ARID1B: variants seen among roughly 807,000 people sequenced by gnomAD.
ARID1B encodes the protein AT-rich interaction domain 1B.
In ARID1B, 30 loss-of-function variants were observed where a neutral mutation model predicts 212.3. The ratio of observed to expected loss-of-function variants is 0.14; its 90% CI spans 0.11 to 0.19. The LOEUF is 0.19. ARID1B is among the 10% of genes least tolerant of loss of function. ARID1B has a pLI of 1.00. For missense variants in ARID1B, 2,891 were observed against 3,204.0 expected, an observed-to-expected ratio of 0.90 and a Z score of 2.36; for synonymous variants, 1,402 against 1,301.7, an observed-to-expected ratio of 1.08 and a Z score of -1.66.
At chr6:157,007,856 T>C (rs777034399) in intron 4 of ARID1B, among the ~76,000 whole-genome samples, 2 of 152,094 alleles carry the variant, frequency 1.3e-5, no homozygotes, top group Non-Finnish European at 2.9e-5. Flanking sequence ...TGTGTATTTT[T>C]TAGTAGAGAC....
chr6:156,842,384 G>C (rs1387850952), intron 2 of ARID1B, among the ~76,000 whole-genome samples: 2 of 152,154 alleles, frequency 1.3e-5, no homozygotes, highest in Non-Finnish European at 2.9e-5. Flanking sequence ...TTTTGTGTCT[G>C]GCTTTTTTCA....
intron 3 of ARID1B, among the ~76,000 whole-genome samples, chr6:156,926,750 T>C (rs556649109): frequency 2.0e-5 from 3 of 152,320 alleles, no homozygotes; most frequent in African/African-American, 7.2e-5. Flanking sequence ...TGGTGAGGTC[T>C]CGGCTCACTG....
chr6:157,040,872 AG>A (rs1369837645), intron 4 of ARID1B, among the ~76,000 whole-genome samples: 1 of 152,268 alleles, frequency 6.6e-6, no homozygotes, highest in Non-Finnish European at 1.5e-5. Context: ...TTCACAGTAT[AG>A]TAGACAATAA....
At chr6:157,041,842 A>G (rs937359159) in intron 4 of ARID1B, among the ~76,000 whole-genome samples, 1 of 152,108 alleles carries the variant, frequency 6.6e-6, no homozygotes, top group Non-Finnish European at 1.5e-5. Flanking sequence ...CTTAGCCACC[A>G]TCACCACTGC....
At chr6:156,928,968 T>C (rs1403992877) in intron 3 of ARID1B, among the ~76,000 whole-genome samples, 5 of 152,222 alleles carry the variant, frequency 3.3e-5, no homozygotes, top group Admixed American at 1.3e-4. Context: ...TCCCTTATTA[T>C]GTGATAGTGT....
In ARID1B at chr6:156,779,040, C is replaced by G. The variant is rs1778962227; in HGVS notation, c.1360C>G (p.Pro454Ala). The G allele has an allele frequency of 2.4e-6, 3 of 1,227,802 alleles. No individual in the cohort carries two copies. The South Asian group carries it at 1.1e-4, about 47-fold the overall frequency. The allele number at this position is 1,227,802 out of a possible 1,614,324, so 76.1% of individuals were successfully genotyped here. A position where few individuals can be genotyped will look rare whatever the true frequency, so the allele number is the denominator to read the frequency against. Reference sequence around the variant, plus strand: ...CGCGGGGTACGGGGTGCTGAGCTCCCCCCGGCAGCAGGGCGGCGGCATGAT... The same window carrying G: ...CGCGGGGTACGGGGTGCTGAGCTCCGCCCGGCAGCAGGGCGGCGGCATGAT... ...SSAGYGVLSS[P>A]RQQGGGMMMG... The change falls in exon 1 of 20, where the codon CCC becomes GCC. Residue 454 changes from proline to alanine, a missense_variant. By Grantham distance (27) the Pro-to-Ala change is conservative. Transcript: ENST00000636930.
chr6:157,200,654 A>T lies in ARID1B; in HGVS notation c.4480-51A>T. On this transcript the variant is annotated intron_variant, in intron 17 of 19. Transcript: ENST00000636930. This position sits in a 1 kb window ranked among gnomAD's most constrained non-coding sequence, Gnocchi z 4.3. ...CTATTTTGCATAATTTCAGTGTGTG[A>T]TTATACCTGTAAGAGCACATCAGGA... 6.5e-7 allele frequency: 1 copy of T among 1,533,624 alleles called. No individual in the cohort carries two copies. Among genetic ancestry groups the T allele is most frequent in the Non-Finnish European group, 8.8e-7 (1 of 1,141,512 alleles).
intron 8 of ARID1B, among the ~76,000 whole-genome samples, chr6:157,161,111 A>G (rs185878892): frequency 1.4e-4 from 21 of 152,344 alleles, no homozygotes; most frequent in Admixed American, 6.5e-4. Flanking sequence ...TTTCTGGTTA[A>G]TTGTAATTAC....
At chr6:156,854,915 C>G (rs1229567269) in intron 2 of ARID1B, among the ~76,000 whole-genome samples, 1 of 152,138 alleles carries the variant, frequency 6.6e-6, no homozygotes, top group East Asian at 1.9e-4. Context: ...GTAACATGGG[C>G]CTCTGTTGAT....
In ARID1B at chr6:157,142,655, CA is replaced by C. The variant is rs528277627; in HGVS notation, c.2762-5961del. Among the ~76,000 whole-genome samples, 329 of 151,612 alleles carry C rather than the reference CA, an allele frequency of 2.2e-3. 3 individuals are homozygous for C. The highest frequency in any genetic ancestry group is 7.5e-3 in the African/African-American group (310 of 41,344). On this transcript the variant is annotated intron_variant, in intron 7 of 19. Coordinates refer to ENST00000636930, the MANE Select transcript of ARID1B (RefSeq NM_001374828.1). ...ACAACAACAATAACAAAAACAACAA[CA>C]AAAAAAACAATATTTTGTAGTAACT...
At chr6:157,048,856 TC>T (rs1199624379) in intron 4 of ARID1B, among the ~76,000 whole-genome samples, 1 of 152,132 alleles carries the variant, frequency 6.6e-6, no homozygotes, top group Non-Finnish European at 1.5e-5. Context: ...GGCTCTGTGT[TC>T]CAGTGTGCCA....
chr6:156,965,002 A>C (rs1794646003), intron 4 of ARID1B, among the ~76,000 whole-genome samples: 1 of 152,240 alleles, frequency 6.6e-6, no homozygotes, highest in South Asian at 2.1e-4. Context: ...TTCAATTGTA[A>C]GACTTAATTA....
chr6:156,884,637 C>A (rs1787361291), intron 2 of ARID1B, among the ~76,000 whole-genome samples: 1 of 152,190 alleles, frequency 6.6e-6, no homozygotes, highest in Non-Finnish European at 1.5e-5. Flanking sequence ...TAATCATAGT[C>A]CGCTAAGGAG....
chr6:156,918,698 G>T (rs776262997), intron 3 of ARID1B, among the ~76,000 whole-genome samples: 9 of 152,158 alleles, frequency 5.9e-5, no homozygotes, highest in Non-Finnish European at 1.2e-4. Flanking sequence ...TAGTGGCTGA[G>T]CAAGGCCTAT....
intron 2 of ARID1B, among the ~76,000 whole-genome samples, chr6:156,871,853 C>G (rs568596838): frequency 1.3e-4 from 20 of 152,282 alleles, no homozygotes; most frequent in Admixed American, 7.2e-4. Flanking sequence ...GGACTGGGCT[C>G]ATTGTAAGTT....
At chr6:156,850,922 A>G (rs1784541934) in intron 2 of ARID1B, among the ~76,000 whole-genome samples, 1 of 152,222 alleles carries the variant, frequency 6.6e-6, no homozygotes, top group Admixed American at 6.5e-5. Context: ...AAATTCCCCC[A>G]TCATCTTTCC....
chr6:157,040,290 G>A (rs1301796281), intron 4 of ARID1B, among the ~76,000 whole-genome samples: 1 of 152,156 alleles, frequency 6.6e-6, no homozygotes, highest in East Asian at 1.9e-4. Flanking sequence ...GTTTTTAAAC[G>A]CATTCACAAT....
chr6:157,207,589 G>A lies in ARID1B; in HGVS notation c.6817G>A (p.Ala2273Thr), dbSNP rs1381645759. ...QGDALAARAI[A>T]VQKGSIGNLI... Reference sequence around the variant, plus strand: ...GGACGCACTAGCAGCAAGGGCCATAGCTGTGCAGAAAGGAAGCATTGGAAA... The same window carrying A: ...GGACGCACTAGCAGCAAGGGCCATAACTGTGCAGAAAGGAAGCATTGGAAA... Residue 2273 changes from alanine to threonine, a missense_variant, in exon 20 of 20, where the codon GCT becomes ACT. Around this residue, in one of 7 missense-constraint regions of ARID1B, gnomAD observed 187 missense variants for 306.5 expected, o/e 0.61. Transcript: ENST00000636930. The surrounding 1 kb of genome is among the most constrained non-coding windows in gnomAD (Gnocchi z 8.5). 1.2e-6 allele frequency: 2 copies of A among 1,614,220 alleles called. No individual in the cohort carries two copies. Among genetic ancestry groups the A allele is most frequent in the Non-Finnish European group, 1.7e-6 (2 of 1,180,044 alleles).
chr6:156,944,821 A>G (rs1339670136), intron 4 of ARID1B, among the ~76,000 whole-genome samples: 1 of 152,218 alleles, frequency 6.6e-6, no homozygotes, highest in Non-Finnish European at 1.5e-5. Flanking sequence ...ACCCAGAGAC[A>G]TGAAAAACCA....
Sources: gnomAD v4.1 joint callset for allele counts (sites outside exome capture counted in the v4.1 genomes callset) on GRCh38, gnomAD v4.1.1 for gene constraint, gnomAD v4.1.1 regional missense constraint, Gnocchi (gnomAD v3.1) non-coding constraint, MANE v1.5 for transcripts, NCBI Gene and HGNC (gene_info 2026-07-23, HGNC 2026-07-21) for gene names.